MAML2: variants seen among roughly 807,000 people sequenced by gnomAD.
The protein encoded by MAML2 is mastermind like transcriptional coactivator 2, also known as mastermind-like protein 2.
Under a neutral mutation model 96.1 loss-of-function variants are expected in MAML2, and 22 were observed. The ratio of observed to expected loss-of-function variants is 0.23; its 90% CI spans 0.16 to 0.33. The LOEUF is 0.33. Ranked by LOEUF, MAML2 falls within the 10% of genes least tolerant of loss-of-function variation. The probability of loss-of-function intolerance (pLI) is 1.00; values close to 1 mark genes in which losing one functional copy is unlikely to be tolerated. For missense variants in MAML2, 1,367 were observed against 1,392.4 expected, an observed-to-expected ratio of 0.98 and a Z score of 0.29; for synonymous variants, 561 against 521.3, an observed-to-expected ratio of 1.08 and a Z score of -1.04.
chr11:96,262,812 GTAGA>G (rs953161936), intron 1 of MAML2, among the ~76,000 whole-genome samples: 1 of 152,172 alleles, frequency 6.6e-6, no homozygotes, highest in African/African-American at 2.4e-5. Flanking sequence ...TGGCAAGCTT[GTAGA>G]TAAACATGGC....
chr11:96,143,953 G>A lies in MAML2; in HGVS notation c.514-50436C>T, dbSNP rs1403622513. Reference sequence around the variant, plus strand: ...CACATTTTATTTCAAACACCTCACTGCAGTGTTTGAAGATGTTAGCACAAT... The same window carrying A: ...CACATTTTATTTCAAACACCTCACTACAGTGTTTGAAGATGTTAGCACAAT... On this transcript the variant is annotated intron_variant, in intron 1 of 4. Transcript: ENST00000524717. Among the ~76,000 whole-genome samples the A allele has an allele frequency of 2.6e-5, 4 of 152,324 alleles. No individual in the cohort carries two copies. The South Asian group carries it at 8.3e-4, about 32-fold the overall frequency.
intron 1 of MAML2, among the ~76,000 whole-genome samples, chr11:96,126,974 C>T (rs868638056): frequency 4.6e-5 from 7 of 152,134 alleles, no homozygotes; most frequent in Non-Finnish European, 8.8e-5. Context: ...ATCTCAGGTG[C>T]GGTTCCTACA....
intron 1 of MAML2, among the ~76,000 whole-genome samples, chr11:96,339,397 G>C (rs1421496882): frequency 6.6e-6 from 1 of 151,886 alleles, no homozygotes; most frequent in Admixed American, 6.5e-5. Context: ...AAACACCCTA[G>C]AAAAAAAAGG....
chr11:96,223,569 G>A (rs935732814), intron 1 of MAML2, among the ~76,000 whole-genome samples: 1 of 147,358 alleles, frequency 6.8e-6, no homozygotes, highest in Non-Finnish European at 1.5e-5. Flanking sequence ...TTCTTTGATT[G>A]TCATTTTTTT....
intron 2 of MAML2, among the ~76,000 whole-genome samples, chr11:96,067,910 T>C (rs913687007): frequency 6.6e-6 from 1 of 152,170 alleles, no homozygotes; most frequent in Non-Finnish European, 1.5e-5. Flanking sequence ...ATTCTAACAT[T>C]TTTTTCCTGC....
chr11:95,980,249 G>C (rs933741436), intron 4 of MAML2, among the ~76,000 whole-genome samples: 3 of 152,090 alleles, frequency 2.0e-5, no homozygotes, highest in Non-Finnish European at 4.4e-5. Context: ...TCATTGAAGG[G>C]AGGTAATAGT....
At chr11:96,155,509 A>AATATATATATATATCTATAT (rs1860995765) in intron 1 of MAML2, among the ~76,000 whole-genome samples, 1 of 74,848 alleles carries the variant, frequency 1.3e-5, no homozygotes, top group African/African-American at 6.1e-5. Context: ...TAACAATTCA[A>AATATATATATATATCTATAT]ATATATATAT....
At chr11:96,231,638 T>G (rs12362505) in intron 1 of MAML2, among the ~76,000 whole-genome samples, 5 of 151,938 alleles carry the variant, frequency 3.3e-5, no homozygotes, top group Non-Finnish European at 7.4e-5. Context: ...TAAGACCTTA[T>G]GAAAAACAAA....
intron 1 of MAML2, among the ~76,000 whole-genome samples, chr11:96,185,789 G>T (rs495494): frequency 0.74 from 113,185 of 152,126 alleles, 42,194 homozygotes; most frequent in Middle Eastern, 0.78. Context: ...CCTCTTTTGG[G>T]CCCTCCAGTC....
At chr11:96,282,378 G>T (rs1344303382) in intron 1 of MAML2, among the ~76,000 whole-genome samples, 2 of 152,130 alleles carry the variant, frequency 1.3e-5, no homozygotes, top group African/African-American at 4.8e-5. Context: ...AATTTGAGTG[G>T]ATTTAAATTA....
intron 1 of MAML2, among the ~76,000 whole-genome samples, chr11:96,145,334 A>G (rs1411974361): frequency 1.3e-5 from 2 of 152,186 alleles, no homozygotes; most frequent in African/African-American, 4.8e-5. Context: ...GTCTCATTAA[A>G]CGCTCAAGAT....
At chr11:96,340,809 T>A (rs1863982229) in intron 1 of MAML2, among the ~76,000 whole-genome samples, 1 of 151,560 alleles carries the variant, frequency 6.6e-6, no homozygotes, top group African/African-American at 2.4e-5. Flanking sequence ...AGTCTCTCTT[T>A]GGGATATTTT....
intron 1 of MAML2, among the ~76,000 whole-genome samples, chr11:96,150,456 T>C (rs1860901343): frequency 6.6e-6 from 1 of 152,146 alleles, no homozygotes; most frequent in Admixed American, 6.5e-5. Context: ...ATGGGTTGTG[T>C]AGGAGTTAAT....
chr11:96,068,438 T>TCACACACACACACACACACACACACACA (rs10522513), intron 2 of MAML2, among the ~76,000 whole-genome samples: 14 of 120,370 alleles, frequency 1.2e-4, no homozygotes, highest in East Asian at 5.4e-4. Flanking sequence ...GGAGCTTACT[T>TCACACACACACACACACACACACACACA]CACACACACA....
intron 2 of MAML2, among the ~76,000 whole-genome samples, chr11:96,023,285 A>T (rs1419721041): frequency 2.0e-5 from 3 of 152,156 alleles, no homozygotes; most frequent in East Asian, 3.9e-4. Flanking sequence ...TGCAGACGGC[A>T]TTGTTGCCAT....
At chr11:96,100,342 C>T (rs1352471103) in intron 1 of MAML2, among the ~76,000 whole-genome samples, 1 of 151,546 alleles carries the variant, frequency 6.6e-6, no homozygotes, top group Non-Finnish European at 1.5e-5. Context: ...TGGAGTCTCA[C>T]TCTCTCGCCC....
intron 2 of MAML2, among the ~76,000 whole-genome samples, chr11:96,078,338 T>C (rs988731850): frequency 1.3e-5 from 2 of 152,250 alleles, no homozygotes; most frequent in Non-Finnish European, 2.9e-5. Context: ...TGTGTTATCA[T>C]GGATAGTTCA....
intron 1 of MAML2, among the ~76,000 whole-genome samples, chr11:96,133,312 T>C (rs963964457): frequency 6.6e-6 from 1 of 152,226 alleles, no homozygotes; most frequent in African/African-American, 2.4e-5. Context: ...TTTGGGAGAA[T>C]GTAGATCGGT....
intron 2 of MAML2, among the ~76,000 whole-genome samples, chr11:96,034,200 A>G (rs958994364): frequency 2.6e-5 from 4 of 152,200 alleles, no homozygotes; most frequent in Non-Finnish European, 4.4e-5. Flanking sequence ...AAAACATTGT[A>G]GTACTTTAGG....
Sources: gnomAD v4.1 joint callset for allele counts (sites outside exome capture counted in the v4.1 genomes callset) on GRCh38, gnomAD v4.1.1 for gene constraint, MANE v1.5 for transcripts, NCBI Gene and HGNC (gene_info 2026-07-23, HGNC 2026-07-21) for gene names.